MYO9A: variants seen among roughly 807,000 people sequenced by gnomAD.
The protein encoded by MYO9A is myosin IXA, also known as unconventional myosin-IXa.
Under a neutral mutation model 293.3 loss-of-function variants are expected in MYO9A, and 103 were observed. The observed-to-expected ratio is 0.35, with a 90% CI of 0.30 to 0.41. The LOEUF is 0.41. MYO9A is among the 10% of genes least tolerant of loss of function. MYO9A has a pLI of 1.00. For synonymous variants in MYO9A, 1,001 were observed against 1,035.7 expected, an observed-to-expected ratio of 0.97 and a Z score of 0.64; for missense variants, 2,685 against 3,033.0, an observed-to-expected ratio of 0.89 and a Z score of 2.69.
chr15:72,077,254 A>G (rs1317036549), intron 1 of MYO9A, among the ~76,000 whole-genome samples: 1 of 152,250 alleles, frequency 6.6e-6, no homozygotes, highest in Admixed American at 6.5e-5. Context: ...AAACCATAGA[A>G]GAAATAATTG....
At chr15:71,904,525 C>T (rs1165072056) in intron 20 of MYO9A, among the ~76,000 whole-genome samples, 1 of 152,166 alleles carries the variant, frequency 6.6e-6, no homozygotes, top group Admixed American at 6.5e-5. Flanking sequence ...TGGTGGTGCA[C>T]ACCTGTAGTC....
chr15:71,965,717 A>T (rs1247125306), intron 13 of MYO9A, among the ~76,000 whole-genome samples: 1 of 152,212 alleles, frequency 6.6e-6, no homozygotes, highest in Non-Finnish European at 1.5e-5. Context: ...TCAGCCTGGC[A>T]AAAGAGCGAA....
At chr15:72,055,256 A>G (rs1427858125) in intron 1 of MYO9A, among the ~76,000 whole-genome samples, 1 of 152,198 alleles carries the variant, frequency 6.6e-6, no homozygotes, top group Non-Finnish European at 1.5e-5. Context: ...CCCCATCTCT[A>G]AATAAATAAA....
chr15:71,919,251 G>A (rs749105862), intron 18 of MYO9A, among the ~76,000 whole-genome samples: 1 of 152,070 alleles, frequency 6.6e-6, no homozygotes, highest in South Asian at 2.1e-4. Context: ...GACCAGCCTG[G>A]GCAACATGGC....
At chr15:72,085,716 A>C (rs1009094520) in intron 1 of MYO9A, among the ~76,000 whole-genome samples, 2 of 152,208 alleles carry the variant, frequency 1.3e-5, no homozygotes, top group African/African-American at 4.8e-5. Flanking sequence ...TTAAGTTATC[A>C]GGATTCTTAC....
At chr15:72,109,797 A>G (rs2080711123) in intron 1 of MYO9A, among the ~76,000 whole-genome samples, 1 of 151,102 alleles carries the variant, frequency 6.6e-6, no homozygotes, top group Admixed American at 6.6e-5. Flanking sequence ...GCTGAGGCAC[A>G]AGAATCAAGA....
At chr15:71,899,360 T>C in intron 24 of MYO9A, among the ~76,000 whole-genome samples, 1 of 98,136 alleles carries the variant, frequency 1.0e-5, no homozygotes, top group South Asian at 3.6e-4. Flanking sequence ...AAGTGAAATT[T>C]TAATTTAAGT....
At chr15:71,933,824 T>C (rs2058551491) in intron 17 of MYO9A, 115 bp from the exon 18 acceptor site, 2 of 821,232 alleles carry the variant, frequency 2.4e-6, no homozygotes, top group Non-Finnish European at 4.0e-6. Context: ...ATATACCCAT[T>C]ACCAAGACTG....
rs1314856143 is a variant in MYO9A at position 72,091,314 on chromosome 15, C to A, written c.-72+26366G>T. The stretch of plus-strand genomic sequence containing the variant: ...CACCATTTCTTTTTCGTTTTTATTT[C>A]TTGATATCCATATGGGGTGTTAGCT... On this transcript the variant is annotated intron_variant, in intron 1 of 41. Transcript: ENST00000356056. Among the ~76,000 whole-genome samples, 3 of 151,740 alleles carry A rather than the reference C, an allele frequency of 2.0e-5. 1 individual carries two copies. Among genetic ancestry groups the A allele is most frequent in the Non-Finnish European group, 4.4e-5 (3 of 67,956 alleles).
intron 1 of MYO9A, among the ~76,000 whole-genome samples, chr15:72,094,801 C>T (rs1371903715): frequency 1.1e-5 from 1 of 91,860 alleles, no homozygotes; most frequent in African/African-American, 2.6e-5. Context: ...AGGTGTAAGC[C>T]GCCACACCTA....
intron 18 of MYO9A, among the ~76,000 whole-genome samples, chr15:71,927,015 C>T (rs1454961590): frequency 6.6e-6 from 1 of 151,996 alleles, no homozygotes; most frequent in Non-Finnish European, 1.5e-5. Flanking sequence ...TACAAATCCA[C>T]TCATCATGGG....
chr15:72,006,137 G>A (rs868117945), intron 8 of MYO9A, among the ~76,000 whole-genome samples: 5 of 152,080 alleles, frequency 3.3e-5, no homozygotes, highest in African/African-American at 9.7e-5. Context: ...GAGTGTAGTG[G>A]CACGATCTAA....
At chr15:71,938,333 T>C (rs796706460) in intron 16 of MYO9A, among the ~76,000 whole-genome samples, 3 of 65,056 alleles carry the variant, frequency 4.6e-5, no homozygotes, top group African/African-American at 1.4e-4. Flanking sequence ...CTTTATTAAA[T>C]AGTATATATA....
intron 6 of MYO9A, among the ~76,000 whole-genome samples, 195 bp from the exon 7 acceptor site, chr15:72,010,642 C>T (rs1360414331): frequency 6.6e-6 from 1 of 152,104 alleles, no homozygotes; most frequent in Non-Finnish European, 1.5e-5. Flanking sequence ...CACATACTTA[C>T]TAAAATACCA....
intron 39 of MYO9A, among the ~76,000 whole-genome samples, chr15:71,842,630 C>G (rs759133920): frequency 6.6e-6 from 1 of 151,856 alleles, no homozygotes; most frequent in South Asian, 2.1e-4. Flanking sequence ...GAGGCTGAGA[C>G]GGGCAGATTA....
intron 37 of MYO9A, among the ~76,000 whole-genome samples, chr15:71,850,855 C>CTGCTGA (rs1384350789): frequency 1.4e-5 from 2 of 143,270 alleles, no homozygotes; most frequent in Non-Finnish European, 3.0e-5. Flanking sequence ...TTCTCAACTA[C>CTGCTGA]TGCTGATATT....
intron 26 of MYO9A, chr15:71,890,506 AC>A (rs2057144666): frequency 6.6e-6 from 1 of 152,170 alleles, no homozygotes; most frequent in Non-Finnish European, 1.5e-5. Context: ...CTAAAAAAAA[AC>A]TATCTTAAAA....
At chr15:72,049,144 T>G (rs2078479313) in intron 1 of MYO9A, among the ~76,000 whole-genome samples, 1 of 152,212 alleles carries the variant, frequency 6.6e-6, no homozygotes, top group African/African-American at 2.4e-5. Context: ...GGAACTTCTT[T>G]TGTTTTTCAT....
chr15:72,043,339 C>G (rs1421534105), intron 2 of MYO9A, among the ~76,000 whole-genome samples: 1 of 152,124 alleles, frequency 6.6e-6, no homozygotes, highest in Admixed American at 6.5e-5. Flanking sequence ...TACTTATCAT[C>G]TGATCTAGTC....
Sources: gnomAD v4.1 joint callset for allele counts (sites outside exome capture counted in the v4.1 genomes callset) on GRCh38, gnomAD v4.1.1 for gene constraint, MANE v1.5 for transcripts, NCBI Gene and HGNC (gene_info 2026-07-23, HGNC 2026-07-21) for gene names.